Variants in DDHD2 observed in about 807,000 individuals in gnomAD.
DDHD2 encodes DDHD domain containing 2, also known as triacylglycerol hydrolase DDHD2.
DDHD2 carries 62 observed loss-of-function variants against 91.2 expected under a neutral mutation model. The observed-to-expected ratio is 0.68, with a 90% CI of 0.55 to 0.84. The LOEUF (loss-of-function observed/expected upper bound fraction) is 0.84, where lower values mean the gene tolerates loss of function less well. Among genes scored for constraint, DDHD2 ranks in the 40% least tolerant of loss-of-function variants. The pLI is 0.00. For synonymous variants in DDHD2, 271 were observed against 293.9 expected, an observed-to-expected ratio of 0.92 and a Z score of 0.80; for missense variants, 740 against 846.9, an observed-to-expected ratio of 0.87 and a Z score of 1.57.
intron 1 of DDHD2, chr8:38,268,911 C>T (rs776196418): frequency 6.4e-7 from 1 of 1,558,138 alleles, no homozygotes; most frequent in South Asian, 1.2e-5. Flanking sequence ...AAATACTCCG[C>T]CTCCACGTAG....
intron 16 of DDHD2, among the ~76,000 whole-genome samples, chr8:38,259,047 A>C (rs576170907): frequency 2.7e-4 from 41 of 152,310 alleles, no homozygotes; most frequent in African/African-American, 9.4e-4. Flanking sequence ...GGTGGGAGGG[A>C]GACTTCGTTA....
At position 38,233,674 on chromosome 8, in the gene DDHD2, A is replaced by T. The variant is rs556756469; in HGVS notation, c.220+460A>T. On this transcript the variant is annotated intron_variant, in intron 2 of 17. Transcript: ENST00000397166. ...CTGGGCACAGTGGCTCACACCTGTA[A>T]TCCCAGCACTTTGGGAGGCCAAGGC... Among the ~76,000 whole-genome samples, 7 of 151,550 alleles carry T rather than the reference A, an allele frequency of 4.6e-5. No homozygotes were observed. The East Asian group carries it at 1.4e-3, about 30-fold the overall frequency.
intron 16 of DDHD2, among the ~76,000 whole-genome samples, chr8:38,257,852 C>A (rs1244038747): frequency 6.6e-6 from 1 of 150,890 alleles, no homozygotes; most frequent in Middle Eastern, 3.5e-3. Context: ...TTAGTAGAGA[C>A]AGGGTTTCAC....
intron 16 of DDHD2, chr8:38,255,468 C>A: frequency 3.6e-6 from 1 of 279,262 alleles, no homozygotes; most frequent in Non-Finnish European, 7.0e-6. Flanking sequence ...TAATGAAAAG[C>A]CTCTTTTTTA....
chr8:38,232,071 C>G (rs2130724482), intron 1 of DDHD2: 1 of 153,140 alleles, frequency 6.5e-6, no homozygotes, highest in Non-Finnish European at 1.5e-5. Flanking sequence ...GACCTGAGCC[C>G]GAGCTCCGAG....
At chr8:38,249,951 C>G in intron 11 of DDHD2, 148 bp downstream of exon 11, 1 of 467,530 alleles carries the variant, frequency 2.1e-6, no homozygotes, top group Non-Finnish European at 3.9e-6. Flanking sequence ...GGGTCTCGCT[C>G]TGTCACTCAG....
At chr8:38,243,925 T>TC (rs1017316363) in intron 7 of DDHD2, among the ~76,000 whole-genome samples, 24 of 151,274 alleles carry the variant, frequency 1.6e-4, no homozygotes, top group African/African-American at 5.8e-4. Context: ...AGTCTTGGCC[T>TC]CCCGAGTAGC....
rs367998025 is a variant in DDHD2 at position 38,268,975 on chromosome 8, G to T, written n.88-2147G>T. The T allele has an allele frequency of 1.4e-5, 22 of 1,572,106 alleles. No individual in the cohort carries two copies. The African/African-American group carries it at 2.7e-4, about 19-fold the overall frequency. ...GCTGGATGAGTCTCTGGAACGGGGGGAGCAGCTCCGTCACCCTAGAGGGGA... is the reference window on the plus strand; with the variant it reads ...GCTGGATGAGTCTCTGGAACGGGGGTAGCAGCTCCGTCACCCTAGAGGGGA... On this transcript the variant is annotated intron_variant and non_coding_transcript_variant, in intron 1 of 1. Coordinates refer to the DDHD2 transcript ENST00000526071.
intron 11 of DDHD2, chr8:38,251,589 G>C (rs1401352006): frequency 4.6e-6 from 1 of 219,314 alleles, no homozygotes; most frequent in Non-Finnish European, 9.0e-6. Flanking sequence ...GAGCATCTAA[G>C]AATGTCAATT....
chr8:38,267,473 G>C, downstream of DDHD2: 3 of 1,530,114 alleles, frequency 2.0e-6, no homozygotes, highest in Admixed American at 5.7e-5. Flanking sequence ...TAATAATCCT[G>C]TTAACTATTG....
At chr8:38,253,784 G>A in intron 16 of DDHD2, 66 bp downstream of exon 16, 1 of 1,518,128 alleles carries the variant, frequency 6.6e-7, no homozygotes, top group South Asian at 1.2e-5. Context: ...GATAGATGTA[G>A]AAAAAGGAGG....
intron 7 of DDHD2, 145 bp from the exon 8 acceptor site, chr8:38,245,597 A>T: frequency 1.4e-6 from 1 of 732,852 alleles, no homozygotes; most frequent in Non-Finnish European, 2.3e-6. Flanking sequence ...TGGCTTCATT[A>T]CACATGTTCC....
chr8:38,253,823 T>C (rs1806300544), intron 16 of DDHD2, 105 bp downstream of exon 16: 1 of 1,199,446 alleles, frequency 8.3e-7, no homozygotes, highest in African/African-American at 1.5e-5. Context: ...CTCAGGCTTA[T>C]AATCTCAGCA....
chr8:38,233,329 TA>T (rs1804442960), intron 2 of DDHD2, 115 bp downstream of exon 2: 1 of 732,904 alleles, frequency 1.4e-6, no homozygotes, highest in Non-Finnish European at 2.2e-6. Flanking sequence ...TCCAGTTACA[TA>T]ATTTCTTACA....
intron 15 of DDHD2, 134 bp from the exon 16 acceptor site, chr8:38,253,422 A>C (rs962685844): frequency 3.6e-6 from 3 of 832,244 alleles, no homozygotes; most frequent in Non-Finnish European, 5.5e-6. Flanking sequence ...GATTGAGAGG[A>C]GGAAGATGGG....
intron 13 of DDHD2, 120 bp downstream of exon 13, chr8:38,252,407 TTATAA>T (rs1399558179): frequency 7.2e-6 from 8 of 1,112,606 alleles, no homozygotes; most frequent in African/African-American, 4.7e-5. Context: ...ATGAGACAAC[TTATAA>T]TAGTATTGAT....
chr8:38,253,214 C>G, intron 15 of DDHD2, 87 bp downstream of exon 15: 1 of 1,286,886 alleles, frequency 7.8e-7, no homozygotes, highest in Non-Finnish European at 1.1e-6. Context: ...AATTTAATTT[C>G]ACATTTAATT....
intron 17 of DDHD2, 152 bp downstream of exon 17, chr8:38,260,299 T>C (rs1219299501): frequency 4.6e-5 from 23 of 500,442 alleles, no homozygotes; most frequent in Non-Finnish European, 6.8e-5. Context: ...CTGGTAGAAA[T>C]TCATGGGGAA....
At position 38,242,356 on chromosome 8, in the gene DDHD2, C is replaced by T. The variant is rs1475252992; in HGVS notation, c.819C>T (p.His273=). The part of the protein sequence containing the change: ...GRVEFLPVNW[H]SPLHSTGVDV... ...TAGAATTTCTTCCAGTCAACTGGCA[C>T]AGTCCTTTGCATTCTACTGGTGTGG... is the stretch of plus-strand genomic sequence containing the variant. Residue 273 remains histidine, a synonymous_variant, in exon 7 of 18, where the codon CAC becomes CAT. Coordinates refer to ENST00000397166, the MANE Select transcript of DDHD2 (RefSeq NM_015214.3). The T allele has an allele frequency of 2.5e-6, 4 of 1,610,774 alleles. No individual in the cohort carries two copies. Among genetic ancestry groups the T allele is most frequent in the African/African-American group, 1.3e-5 (1 of 74,786 alleles).
Sources: allele counts gnomAD v4.1 joint callset (sites outside exome capture counted in the v4.1 genomes callset), GRCh38; gene constraint gnomAD v4.1.1; transcripts MANE v1.5; gene names NCBI Gene and HGNC (gene_info 2026-07-23, HGNC 2026-07-21).